The following DCC variants were observed in gnomAD, a reference collection of about 807,000 sequenced individuals.
The protein encoded by DCC is netrin receptor DCC.
DCC carries 58 observed loss-of-function variants against 172.5 expected under a neutral mutation model. That is an observed-to-expected ratio of 0.34 (90% confidence interval 0.27 to 0.42). The LOEUF (loss-of-function observed/expected upper bound fraction) is 0.42, where lower values mean the gene tolerates loss of function less well. DCC is among the 10% of genes least tolerant of loss of function. DCC has a pLI of 1.00. For missense variants in DCC, 1,740 were observed against 1,791.0 expected (o/e 0.97, Z 0.51); for synonymous variants, 709 against 644.5 (o/e 1.10, Z -1.52).
At chr18:52,984,442 T>C (rs1036327878) in intron 5 of DCC, among the ~76,000 whole-genome samples, 2 of 152,004 alleles carry the variant, frequency 1.3e-5, no homozygotes, top group African/African-American at 4.8e-5. Context: ...TAATAGAAAA[T>C]TAAGTTGAAA....
At chr18:53,251,036 G>T (rs145028903) in intron 12 of DCC, among the ~76,000 whole-genome samples, 3 of 151,852 alleles carry the variant, frequency 2.0e-5, no homozygotes, top group African/African-American at 7.2e-5. Context: ...CATCTGTCTT[G>T]CATCACCTTT....
Position 52,792,067 on chromosome 18 carries a change from G to T in DCC, c.412+39693G>T, listed in dbSNP as rs535713732. Reference sequence around the variant, plus strand: ...AAGGGCAAAGAATTGGGAAGCCAGGGTGTTTTGATAAAGGACTGACAATGT... The same window carrying T: ...AAGGGCAAAGAATTGGGAAGCCAGGTTGTTTTGATAAAGGACTGACAATGT... On this transcript the variant is annotated intron_variant, in intron 2 of 28. Transcript: ENST00000442544. Among the ~76,000 whole-genome samples, 12 of 152,202 alleles carry T rather than the reference G, an allele frequency of 7.9e-5. No individual in the cohort carries two copies. The South Asian group carries it at 8.3e-4, about 11-fold the overall frequency.
chr18:53,521,188 C>T (rs533801744), intron 27 of DCC, among the ~76,000 whole-genome samples: 7 of 152,242 alleles, frequency 4.6e-5, no homozygotes, highest in South Asian at 4.1e-4. Context: ...ACAATGTCTT[C>T]GATTCCTTTT....
intron 27 of DCC, among the ~76,000 whole-genome samples, chr18:53,510,261 CCATT>C (rs1448399269): frequency 6.6e-6 from 1 of 152,144 alleles, no homozygotes; most frequent in Non-Finnish European, 1.5e-5. Context: ...TAAAAATTTC[CCATT>C]CAGCCAGTGT....
intron 20 of DCC, among the ~76,000 whole-genome samples, chr18:53,414,109 T>C (rs994095002): frequency 1.3e-5 from 2 of 152,184 alleles, no homozygotes; most frequent in African/African-American, 4.8e-5. Context: ...TAAACTGTGG[T>C]GATTAAATTA....
chr18:53,357,912 T>C (rs1449954671), intron 15 of DCC, among the ~76,000 whole-genome samples: 1 of 152,166 alleles, frequency 6.6e-6, no homozygotes, highest in African/African-American at 2.4e-5. Flanking sequence ...GATATTATTT[T>C]ATAATTTCAC....
chr18:52,949,993 C>T (rs532855902), intron 5 of DCC, among the ~76,000 whole-genome samples: 1 of 152,290 alleles, frequency 6.6e-6, no homozygotes, highest in South Asian at 2.1e-4. Context: ...TATTGAGGAC[C>T]TATGTACACA....
chr18:53,046,384 A>G (rs144941583), intron 5 of DCC, among the ~76,000 whole-genome samples: 2 of 151,972 alleles, frequency 1.3e-5, no homozygotes, highest in Admixed American at 6.6e-5. Context: ...AATTTTATCT[A>G]TTCTTTCAAG....
Position 52,942,240 on chromosome 18 carries a change from AAATT to A in DCC, c.985+16875_985+16878del, listed in dbSNP as rs373698106. Among the ~76,000 whole-genome samples the A allele has an allele frequency of 2.1e-3, 317 of 152,278 alleles. 2 individuals are homozygous for A. Among genetic ancestry groups the A allele is most frequent in the African/African-American group, 7.0e-3 (290 of 41,552 alleles). On this transcript the variant is annotated intron_variant, in intron 5 of 28. Transcript: ENST00000442544. ...CCATGTTTAGGGTTTTTATATATTA[AAATT>A]AATTTAGTCTATACATCTTTTGTTT...
At chr18:52,368,425 T>G (rs946258777) in intron 1 of DCC, among the ~76,000 whole-genome samples, 1 of 152,210 alleles carries the variant, frequency 6.6e-6, no homozygotes, top group Non-Finnish European at 1.5e-5. Flanking sequence ...CCCTCTGTGC[T>G]CTGAATGTTG....
At chr18:52,988,280 G>T (rs1319552756) in intron 5 of DCC, among the ~76,000 whole-genome samples, 1 of 151,744 alleles carries the variant, frequency 6.6e-6, no homozygotes, top group East Asian at 1.9e-4. Flanking sequence ...AAAAAAATCA[G>T]TCTTTCCTCT....
chr18:53,182,638 T>C (rs1598883812), intron 9 of DCC, among the ~76,000 whole-genome samples: 1 of 152,308 alleles, frequency 6.6e-6, no homozygotes, highest in South Asian at 2.1e-4. Context: ...TGCATGTGTA[T>C]TTTATCTTCT....
At chr18:52,500,433 G>A (rs2030975350) in intron 1 of DCC, among the ~76,000 whole-genome samples, 1 of 152,148 alleles carries the variant, frequency 6.6e-6, no homozygotes, top group Non-Finnish European at 1.5e-5. Flanking sequence ...GTGGAATCAG[G>A]CAGTCCTGTA....
intron 9 of DCC, among the ~76,000 whole-genome samples, chr18:53,183,882 T>C (rs138306741): frequency 1.3e-5 from 2 of 152,056 alleles, no homozygotes; most frequent in Admixed American, 1.3e-4. Flanking sequence ...TTGTCAATCA[T>C]CGAGACCTCA....
In DCC at chr18:52,926,853, G is replaced by C. The variant is rs1028395379; in HGVS notation, c.985+1483G>C. 2.1e-5 allele frequency among the ~76,000 whole-genome samples: 3 copies of C among 142,550 alleles called. No individual in the cohort carries two copies. The East Asian group carries it at 6.2e-4, about 29-fold the overall frequency. The allele number at this position is 142,550 out of a possible 152,430, so 93.5% of individuals were successfully genotyped here. On this transcript the variant is annotated intron_variant, in intron 5 of 28. Coordinates refer to ENST00000442544, the MANE Select transcript of DCC (RefSeq NM_005215.4). Reference sequence around the variant, plus strand: ...TATACATACACACACACACATATACGTGTGTGTGTATATATACATATACAT... The same window carrying C: ...TATACATACACACACACACATATACCTGTGTGTGTATATATACATATACAT...
intron 12 of DCC, among the ~76,000 whole-genome samples, chr18:53,269,632 G>A (rs62097980): frequency 0.29 from 44,347 of 152,054 alleles, 8,323 homozygotes; most frequent in Non-Finnish European, 0.43. Context: ...ATGCTAAGTC[G>A]TCTATGTATA....
At chr18:52,375,145 C>A (rs1985293222) in intron 1 of DCC, among the ~76,000 whole-genome samples, 1 of 152,110 alleles carries the variant, frequency 6.6e-6, no homozygotes, top group Non-Finnish European at 1.5e-5. Context: ...TAAAAATAAA[C>A]CCAGATTTTT....
At chr18:52,579,252 GTCAT>G (rs937130952) in intron 1 of DCC, among the ~76,000 whole-genome samples, 1 of 152,022 alleles carries the variant, frequency 6.6e-6, no homozygotes, top group Non-Finnish European at 1.5e-5. Context: ...CATTATTTGA[GTCAT>G]TATTTTTGCT....
At chr18:52,350,574 C>T (rs1446835819) in intron 1 of DCC, among the ~76,000 whole-genome samples, 1 of 152,060 alleles carries the variant, frequency 6.6e-6, no homozygotes, top group Non-Finnish European at 1.5e-5. Context: ...ATAAGACAGG[C>T]TGATGGATGC....
Sources: allele counts gnomAD v4.1 joint callset (sites outside exome capture counted in the v4.1 genomes callset), GRCh38; gene constraint gnomAD v4.1.1; transcripts MANE v1.5; gene names NCBI Gene and HGNC (gene_info 2026-07-23, HGNC 2026-07-21).